Variants in CFAP95 observed in about 807,000 individuals in gnomAD.
The protein encoded by CFAP95 is cilia- and flagella-associated protein 95.
chr9:69,857,388 A>C, the CFAP95 span, among the ~76,000 whole-genome samples: 1 of 152,368 alleles, frequency 6.6e-6, no homozygotes, highest in South Asian at 2.1e-4. Flanking sequence ...TGAAAAATGC[A>C]GTCAAAATAA....
At chr9:69,863,908 A>G in the CFAP95 span, among the ~76,000 whole-genome samples, 1 of 152,160 alleles carries the variant, frequency 6.6e-6, no homozygotes, top group South Asian at 2.1e-4. Context: ...AAAAATATAT[A>G]CACATATAAA....
At chr9:69,856,606 G>T in the CFAP95 span, 3 of 1,612,536 alleles carry the variant, frequency 1.9e-6, no homozygotes, top group Non-Finnish European at 2.5e-6. Flanking sequence ...TTTAAACACA[G>T]AATGGGTTGA....
the CFAP95 span, among the ~76,000 whole-genome samples, chr9:69,883,804 C>A: frequency 1.4e-5 from 2 of 140,378 alleles, no homozygotes; most frequent in South Asian, 2.5e-4. Flanking sequence ...AAAGGTTTGT[C>A]AATTTTGTTT....
chr9:69,902,435 G>C, the CFAP95 span: 1 of 399,178 alleles, frequency 2.5e-6, no homozygotes, highest in South Asian at 1.9e-5. Context: ...ATCCTATTTT[G>C]TATGTTAGAA....
At chr9:69,882,230 C>T in the CFAP95 span, among the ~76,000 whole-genome samples, 8 of 152,276 alleles carry the variant, frequency 5.3e-5, no homozygotes, top group Admixed American at 5.2e-4. Flanking sequence ...GATCCACCCA[C>T]CTGGCCTCCT....
chr9:69,856,222 C>G, the CFAP95 span, among the ~76,000 whole-genome samples: 7 of 152,182 alleles, frequency 4.6e-5, no homozygotes, highest in South Asian at 1.5e-3. Context: ...TTGCTACAAA[C>G]ATTTTCCTGC....
chr9:69,878,514 C>A, the CFAP95 span, among the ~76,000 whole-genome samples: 3 of 152,264 alleles, frequency 2.0e-5, no homozygotes, highest in Non-Finnish European at 2.9e-5. Flanking sequence ...ACATGTAAAT[C>A]CAAGTTTGTG....
the CFAP95 span, among the ~76,000 whole-genome samples, chr9:69,877,747 CT>C: frequency 6.6e-6 from 1 of 152,162 alleles, no homozygotes; most frequent in East Asian, 1.9e-4. Context: ...ATTTTGTTTC[CT>C]TTATTCCAAT....
At chr9:69,868,505 A>G in the CFAP95 span, among the ~76,000 whole-genome samples, 2 of 152,106 alleles carry the variant, frequency 1.3e-5, no homozygotes, top group East Asian at 3.9e-4. Context: ...TAAAAATACA[A>G]AAATTAGCTG....
the CFAP95 span, among the ~76,000 whole-genome samples, chr9:69,903,912 C>T: frequency 1.3e-5 from 2 of 152,006 alleles, no homozygotes; most frequent in South Asian, 2.1e-4. Flanking sequence ...TTTATAGAGA[C>T]GTGGTCTCAC....
At chr9:69,830,895 A>G in the CFAP95 span, among the ~76,000 whole-genome samples, 1 of 152,168 alleles carries the variant, frequency 6.6e-6, no homozygotes, top group Non-Finnish European at 1.5e-5. Context: ...CCTGGTCTAA[A>G]GCGATCCTCC....
the CFAP95 span, among the ~76,000 whole-genome samples, chr9:69,851,357 A>G: frequency 6.6e-6 from 1 of 152,146 alleles, no homozygotes; most frequent in African/African-American, 2.4e-5. Flanking sequence ...TCAATCTCAG[A>G]TAATAAGAAG....
chr9:69,862,612 C>T, the CFAP95 span, among the ~76,000 whole-genome samples: 3 of 152,156 alleles, frequency 2.0e-5, no homozygotes, highest in African/African-American at 4.8e-5. Context: ...CCAAAATATG[C>T]TTCAAGTTAT....
chr9:69,850,126 G>A, the CFAP95 span, among the ~76,000 whole-genome samples: 1 of 152,192 alleles, frequency 6.6e-6, no homozygotes, highest in Non-Finnish European at 1.5e-5. Flanking sequence ...GACCACTTCT[G>A]AGAAAGGGGT....
chr9:69,867,479 T>G, the CFAP95 span, among the ~76,000 whole-genome samples: 1 of 152,126 alleles, frequency 6.6e-6, no homozygotes, highest in Non-Finnish European at 1.5e-5. Context: ...AAGATAGGCT[T>G]ATATGGTTTA....
the CFAP95 span, among the ~76,000 whole-genome samples, chr9:69,835,417 G>T: frequency 6.6e-6 from 1 of 152,268 alleles, no homozygotes; most frequent in East Asian, 1.9e-4. Context: ...TATGTATGTT[G>T]AAAGTTTTCT....
At chr9:69,857,781 G>A in the CFAP95 span, 1 of 718,908 alleles carries the variant, frequency 1.4e-6, no homozygotes, top group Non-Finnish European at 2.3e-6. Flanking sequence ...TCCCGTCTCG[G>A]CCTCCCAAAG....
chr9:69,873,460 G>A, the CFAP95 span, among the ~76,000 whole-genome samples: 4 of 152,166 alleles, frequency 2.6e-5, no homozygotes, highest in Non-Finnish European at 5.9e-5. Context: ...GATGGTTGCT[G>A]TTAAGAATGA....
At chr9:69,890,325 A>G in the CFAP95 span, among the ~76,000 whole-genome samples, 1 of 152,170 alleles carries the variant, frequency 6.6e-6, no homozygotes, top group African/African-American at 2.4e-5. Context: ...TTTCCACATT[A>G]ACAGCACAGC....
Sources: allele counts gnomAD v4.1 joint callset (sites outside exome capture counted in the v4.1 genomes callset), GRCh38; gene constraint gnomAD v4.1.1; transcripts MANE v1.5; gene names NCBI Gene and HGNC (gene_info 2026-07-23, HGNC 2026-07-21).